Variants in TMEM204 observed in about 807,000 individuals in gnomAD.
The protein encoded by TMEM204 is transmembrane protein 204.
TMEM204 carries 15 observed loss-of-function variants against 19.4 expected under a neutral mutation model. The ratio of observed to expected loss-of-function variants is 0.77; its 90% CI spans 0.52 to 1.19. TMEM204 has a LOEUF of 1.19. Among genes scored for constraint, TMEM204 ranks in the 50% most tolerant of loss-of-function variants. The probability of loss-of-function intolerance (pLI) is 0.00; values close to 1 mark genes in which losing one functional copy is unlikely to be tolerated. For synonymous variants in TMEM204, 161 were observed against 146.0 expected (o/e 1.10, Z -0.74); for missense variants, 287 against 321.2 (o/e 0.89, Z 0.81).
chr16:1,544,283 A>C (rs1263729913), intron 2 of TMEM204, among the ~76,000 whole-genome samples: 1 of 150,918 alleles, frequency 6.6e-6, no homozygotes. Context: ...TCCCGGGTTC[A>C]CGCCATTCTC....
Position 1,554,827 on chromosome 16 carries a change from C to T in TMEM204, c.482C>T (p.Pro161Leu), listed in dbSNP as rs2032957393. Reference protein sequence around the residue: ...IGLVTFYRIGPYTNLSWSCYL... With the variant: ...IGLVTFYRIGLYTNLSWSCYL... ...CTCGTGACTTTCTACAGAATTGGCC[C>T]ATACACCAACCTGTCCTGGTCCTGC... Residue 161 changes from proline (P) to leucine (L), a missense_variant, in exon 3 of 3, where the codon CCA becomes CTA. Transcript: ENST00000566264. 6.2e-7 allele frequency: 1 copy of T among 1,614,212 alleles called. No homozygotes were observed. Among genetic ancestry groups the T allele is most frequent in the South Asian group, 1.1e-5 (1 of 91,084 alleles).
rs369689339 is a variant in TMEM204 at position 1,541,661 on chromosome 16, G to A, written c.281-260G>A. 265 of 317,150 alleles carry A rather than the reference G, an allele frequency of 8.4e-4. 4 individuals are homozygous for A. In the South Asian group the frequency reaches 0.024, roughly 28 times the overall value. The allele number at this position is 317,150 out of a possible 1,614,324, so 19.6% of individuals were successfully genotyped here. ...AGACAGAAATAGCAGAGTAGGGCCC[G>A]TCCCTGCAGGGATACGACCACTGCA... On this transcript the variant is annotated intron_variant, in intron 1 of 2. Coordinates refer to ENST00000566264, the MANE Select transcript of TMEM204 (RefSeq NM_024600.6).
At chr16:1,537,347 C>A (rs899354877) in intron 1 of TMEM204, among the ~76,000 whole-genome samples, 11 of 152,240 alleles carry the variant, frequency 7.2e-5, no homozygotes, top group Non-Finnish European at 1.6e-4. Context: ...TGAGGCCCTG[C>A]CCCATGGGGC....
At chr16:1,541,177 G>C (rs367657150) in intron 1 of TMEM204, 1 of 985,356 alleles carries the variant, frequency 1.0e-6, no homozygotes. Context: ...GTGGGGGACA[G>C]AGAAGGCTGG....
chr16:1,536,782 G>A (rs1284780450), intron 1 of TMEM204, among the ~76,000 whole-genome samples: 1 of 152,134 alleles, frequency 6.6e-6, no homozygotes, highest in Non-Finnish European at 1.5e-5. Flanking sequence ...CATCTGCACT[G>A]GTGCCCACCT....
In TMEM204 at chr16:1,554,986, G is replaced by A. The variant is rs751975732; in HGVS notation, c.641G>A (p.Arg214His). The stretch of plus-strand genomic sequence containing the variant: ...AGCCGCTCCCTGACAGCGCGCTTTC[G>A]CCGTGGGCTGGACAATGACTACGTG... ...VISRSLTARF[R>H]RGLDNDYVES... The change falls in exon 3 of 3, where the codon CGC (arginine) becomes CAC (histidine). Residue 214 changes from arginine to histidine, a missense_variant. Coordinates refer to ENST00000566264, the MANE Select transcript of TMEM204 (RefSeq NM_024600.6). 131 of 1,613,312 alleles carry A rather than the reference G, an allele frequency of 8.1e-5. No homozygotes were observed. The highest frequency in any genetic ancestry group is 1.1e-4 in the Non-Finnish European group (128 of 1,179,986).
At chr16:1,534,740 T>C (rs2030893590) in intron 1 of TMEM204, among the ~76,000 whole-genome samples, 185 bp downstream of exon 1, 2 of 150,806 alleles carry the variant, frequency 1.3e-5, no homozygotes, top group African/African-American at 4.8e-5. Flanking sequence ...AGGCCCCCTC[T>C]CCCTGGTGAG....
chr16:1,548,712 T>C (rs2032380767), intron 2 of TMEM204, among the ~76,000 whole-genome samples: 1 of 152,040 alleles, frequency 6.6e-6, no homozygotes, highest in African/African-American at 2.4e-5. Flanking sequence ...CCCCTTCCCA[T>C]CTCCCCCACG....
Position 1,551,927 on chromosome 16 carries a change from TC to T in TMEM204, c.437-2851del, listed in dbSNP as rs1429191449. The stretch of plus-strand genomic sequence containing the variant: ...CCTCCCGGGTGTGTCCCTGGTGATG[TC>T]CCCGGGGCCTCTCCCTGGTGACGTG... On this transcript the variant is annotated intron_variant, in intron 2 of 2. Transcript: ENST00000566264. This position sits in a 1 kb window ranked among gnomAD's most constrained non-coding sequence, Gnocchi z 4.0. 1.3e-5 allele frequency among the ~76,000 whole-genome samples: 2 copies of T among 152,078 alleles called. No individual in the cohort carries two copies. The highest frequency in any genetic ancestry group is 4.8e-5 in the African/African-American group (2 of 41,396).
In TMEM204 at chr16:1,553,711, A is replaced by G; in HGVS notation, c.437-1071A>G. 1 of 1,112,232 alleles carries G rather than the reference A, an allele frequency of 9.0e-7. No individual in the cohort carries two copies. The allele number at this position is 1,112,232 out of a possible 1,614,324, so 68.9% of individuals were successfully genotyped here. A position where few individuals can be genotyped will look rare whatever the true frequency, so the allele number is the denominator to read the frequency against. Reference sequence around the variant, plus strand: ...GCTGGCTGGAGGCCCCATGGCCTCCAGGACAATCTGTGGCCACATCCCCAT... The same window carrying G: ...GCTGGCTGGAGGCCCCATGGCCTCCGGGACAATCTGTGGCCACATCCCCAT... On this transcript the variant is annotated intron_variant, in intron 2 of 2. Coordinates refer to ENST00000566264, the MANE Select transcript of TMEM204 (RefSeq NM_024600.6). The surrounding 1 kb of genome is among the most constrained non-coding windows in gnomAD (Gnocchi z 4.4).
At chr16:1,535,047 TA>T (rs962428330) in intron 1 of TMEM204, among the ~76,000 whole-genome samples, 25 of 148,366 alleles carry the variant, frequency 1.7e-4, no homozygotes, top group Non-Finnish European at 3.1e-4. Flanking sequence ...TCTCTGAACA[TA>T]AAAAAAAAAT....
chr16:1,544,813 T>G (rs569721093), intron 2 of TMEM204, among the ~76,000 whole-genome samples: 30 of 150,792 alleles, frequency 2.0e-4, no homozygotes, highest in Admixed American at 6.6e-4. Flanking sequence ...CACGCCTGGC[T>G]AATTTTTTGT....
chr16:1,541,590 C>T (rs2031643059), intron 1 of TMEM204: 2 of 770,778 alleles, frequency 2.6e-6, no homozygotes, highest in African/African-American at 1.9e-5. Context: ...CCCACGCCAG[C>T]GCCTTCAAGG....
rs74411257 is a variant in TMEM204 at position 1,550,783 on chromosome 16, G to A, written c.437-3999G>A. ...ACCCTCTGGGGACACAGAGATTAATGACTTCCCCATCTCTCTAAGAGGAAT... is the reference window on the plus strand; with the variant it reads ...ACCCTCTGGGGACACAGAGATTAATAACTTCCCCATCTCTCTAAGAGGAAT... On this transcript the variant is annotated intron_variant, in intron 2 of 2. Coordinates refer to ENST00000566264, the MANE Select transcript of TMEM204 (RefSeq NM_024600.6). Among the ~76,000 whole-genome samples, 438 of 152,300 alleles carry A rather than the reference G, an allele frequency of 2.9e-3. 2 individuals carry two copies. Among genetic ancestry groups the A allele is most frequent in the African/African-American group, 9.9e-3 (411 of 41,568 alleles).
chr16:1,533,022 G>C, upstream of TMEM204: 1 of 152,430 alleles, frequency 6.6e-6, no homozygotes, highest in Non-Finnish European at 1.5e-5. This position sits in a 1 kb window ranked among gnomAD's most constrained non-coding sequence, Gnocchi z 4.7. Context: ...TACCCTTCTT[G>C]CCACCTAAGA....
intron 2 of TMEM204, among the ~76,000 whole-genome samples, chr16:1,547,256 T>C (rs549013825): frequency 4.6e-5 from 7 of 152,328 alleles, no homozygotes; most frequent in Admixed American, 1.3e-4. Flanking sequence ...AAGGGCACCA[T>C]GGATGGCACT....
At chr16:1,537,201 T>A (rs534331617) in intron 1 of TMEM204, among the ~76,000 whole-genome samples, 1 of 151,148 alleles carries the variant, frequency 6.6e-6, no homozygotes, top group Non-Finnish European at 1.5e-5. Flanking sequence ...GAAGACAACG[T>A]CACACCGCGT....
intron 1 of TMEM204, chr16:1,541,449 G>A (rs187784543): frequency 1.5e-5 from 15 of 985,440 alleles, no homozygotes; most frequent in African/African-American, 1.7e-5. Flanking sequence ...AGCTGAGCAC[G>A]CAGGACAGCA....
chr16:1,544,887 A>T (rs534774346), intron 2 of TMEM204, among the ~76,000 whole-genome samples: 1 of 152,124 alleles, frequency 6.6e-6, no homozygotes, highest in East Asian at 1.9e-4. Context: ...TGACCTTGTG[A>T]TCCGCCCGCC....
Sources: allele counts gnomAD v4.1 joint callset (sites outside exome capture counted in the v4.1 genomes callset), GRCh38; gene constraint gnomAD v4.1.1; non-coding constraint Gnocchi (gnomAD v3.1); transcripts MANE v1.5; gene names NCBI Gene and HGNC (gene_info 2026-07-23, HGNC 2026-07-21).